The following ZNF454 variants were observed in gnomAD, a reference collection of about 807,000 sequenced individuals.
The protein encoded by ZNF454 is zinc finger protein 454.
In ZNF454, 30 loss-of-function variants were observed where a neutral mutation model predicts 48.2. That is an observed-to-expected ratio of 0.62 (90% confidence interval 0.47 to 0.84). ZNF454 has a LOEUF of 0.84. Ranked by LOEUF, ZNF454 falls within the 40% of genes least tolerant of loss-of-function variation. ZNF454 has a pLI of 0.00. For missense variants in ZNF454, 510 were observed against 623.1 expected (o/e 0.82, Z 1.93); for synonymous variants, 204 against 211.4 (o/e 0.97, Z 0.30).
chr5:178,985,627 C>CA, the ZNF454 span: 8 of 368,204 alleles, frequency 2.2e-5, no homozygotes, highest in Admixed American at 1.4e-4. Context: ...GGCGTGAACC[C>CA]GGAAGGCAGA....
chr5:178,975,920 A>G, the ZNF454 span, among the ~76,000 whole-genome samples: 2 of 152,180 alleles, frequency 1.3e-5, no homozygotes, highest in East Asian at 3.9e-4. Flanking sequence ...CTATATCTTT[A>G]TCTAATCTAT....
chr5:178,952,541 A>G (rs1213805201), intron 4 of ZNF454, among the ~76,000 whole-genome samples: 1 of 152,158 alleles, frequency 6.6e-6, no homozygotes, highest in African/African-American at 2.4e-5. Context: ...CTTTATGAAC[A>G]GAAGTTCTTA....
At chr5:178,989,211 A>ACCCCCCCCCCCCC in the ZNF454 span, 1 of 121,736 alleles carries the variant, frequency 8.2e-6, no homozygotes, top group Non-Finnish European at 1.3e-5. Context: ...CCCCCTCCCC[A>ACCCCCCCCCCCCC]CCCTCACCAC....
the ZNF454 span, chr5:178,989,701 CT>C: frequency 4.8e-5 from 24 of 504,606 alleles, no homozygotes; most frequent in Admixed American, 1.9e-4. Context: ...AACTCAGAGC[CT>C]CACCATTTGA....
At chr5:178,968,300 T>C (rs1760196519), downstream of ZNF454, among the ~76,000 whole-genome samples, 1 of 152,140 alleles carries the variant, frequency 6.6e-6, no homozygotes, top group Non-Finnish European at 1.5e-5. Context: ...GTCCGTCAAG[T>C]TGAGCAACCC....
At chr5:178,942,907 T>C in intron 2 of ZNF454, 83 bp downstream of exon 2, 2 of 1,506,598 alleles carry the variant, frequency 1.3e-6, no homozygotes. Context: ...GGGAGCTTTA[T>C]TCCCAATCCA....
intron 4 of ZNF454, among the ~76,000 whole-genome samples, 192 bp from the exon 5 acceptor site, chr5:178,964,463 T>C: frequency 6.6e-6 from 1 of 152,168 alleles, no homozygotes; most frequent in African/African-American, 2.4e-5. Flanking sequence ...TCCTGCCTCA[T>C]ACATTATACA....
the ZNF454 span, among the ~76,000 whole-genome samples, chr5:178,972,807 T>G: frequency 6.6e-6 from 1 of 151,798 alleles, no homozygotes; most frequent in Non-Finnish European, 1.5e-5. Context: ...GCAGGCGGAG[T>G]GCTGACCCCG....
intron 4 of ZNF454, among the ~76,000 whole-genome samples, chr5:178,947,754 T>A (rs1374067300): frequency 6.6e-6 from 1 of 152,156 alleles, no homozygotes; most frequent in Admixed American, 6.6e-5. Context: ...CGTCTCCCTG[T>A]CAGCTAGCAT....
At chr5:178,983,372 C>A in the ZNF454 span, 2 of 756,120 alleles carry the variant, frequency 2.6e-6, no homozygotes, top group Non-Finnish European at 4.6e-6. Context: ...CAGGAGCACT[C>A]AGTGGAGAAG....
At chr5:178,957,526 C>T (rs1404206934) in intron 4 of ZNF454, among the ~76,000 whole-genome samples, 1 of 152,096 alleles carries the variant, frequency 6.6e-6, no homozygotes, top group African/African-American at 2.4e-5. Context: ...TCTCCTGCCT[C>T]AGCCTCCCGA....
rs776670804 is a variant in ZNF454, at chr5:178,965,395, A to C, written c.991A>C (p.Asn331His). ...CAGTGGAGAGAAACCCTATAAATGC[A>C]ATGAATGTGGAAAAGCCTTTAATCA... is the stretch of plus-strand genomic sequence containing the variant. ...IHSGEKPYKCNECGKAFNQST... is the reference protein window; with the variant it reads ...IHSGEKPYKCHECGKAFNQST... Residue 331 changes from asparagine to histidine, a missense_variant, in exon 5 of 5, where the codon AAT (asparagine) becomes CAT (histidine). By Grantham distance (68) the Asn-to-His change is moderately conservative. Coordinates refer to ENST00000519564, the MANE Select transcript of ZNF454 (RefSeq NM_001178089.3). The surrounding 1 kb of genome is among the most constrained non-coding windows in gnomAD (Gnocchi z 5.2). 2.5e-6 allele frequency: 4 copies of C among 1,614,204 alleles called. No homozygotes were observed. The highest frequency in any genetic ancestry group is 1.1e-5 in the South Asian group (1 of 91,086).
chr5:178,952,261 T>A (rs1249457286), intron 4 of ZNF454, among the ~76,000 whole-genome samples: 3 of 152,130 alleles, frequency 2.0e-5, no homozygotes, highest in Non-Finnish European at 4.4e-5. Flanking sequence ...ATGGTCTCGA[T>A]CTCCTGACCT....
rs975095720 is a variant in ZNF454, at chr5:178,944,082, T to G, written c.33+1258T>G. On this transcript the variant is annotated intron_variant, in intron 2 of 4. Transcript: ENST00000519564. This position sits in a 1 kb window ranked among gnomAD's most constrained non-coding sequence, Gnocchi z 4.1. ...GTGCTTTGAAGGAGACAGCATTCAT[T>G]TGGGCATATACATTCTGATACATTT... 3.3e-5 allele frequency among the ~76,000 whole-genome samples: 5 copies of G among 152,162 alleles called. No homozygotes were observed. Among genetic ancestry groups the G allele is most frequent in the African/African-American group, 1.2e-4 (5 of 41,430 alleles).
rs188558963 is a variant in ZNF454 at position 178,964,832 on chromosome 5, C to G, written c.428C>G (p.Thr143Ser). Reference sequence around the variant, plus strand: ...ATCAGTTTGCAGCGAGTGGTACTCACTCACCCCAACACCCCATCACAGGAA... The same window carrying G: ...ATCAGTTTGCAGCGAGTGGTACTCAGTCACCCCAACACCCCATCACAGGAA... ...QEISLQRVVL[T>S]HPNTPSQECD... is the part of the protein sequence containing the mutation. Residue 143 changes from threonine (T) to serine (S), a missense_variant, in exon 5 of 5, where the codon ACT (threonine) becomes AGT (serine). By Grantham distance (58) the Thr-to-Ser change is moderately conservative. Around this residue, in one of 3 missense-constraint regions of ZNF454, gnomAD observed 354 missense variants for 408.9 expected, o/e 0.87. Transcript: ENST00000519564. The G allele has an allele frequency of 6.2e-7, 1 of 1,614,168 alleles. No homozygotes were observed. Among genetic ancestry groups the G allele is most frequent in the Admixed American group, 1.7e-5 (1 of 60,022 alleles).
the ZNF454 span, chr5:178,981,565 G>C: frequency 1.0e-6 from 1 of 998,494 alleles, no homozygotes; most frequent in Non-Finnish European, 1.5e-6. The surrounding 1 kb of genome is among the most constrained non-coding windows in gnomAD (Gnocchi z 5.1). Context: ...GCCACTGACT[G>C]TTCACCGTGG....
chr5:178,959,223 T>C lies in ZNF454; in HGVS notation c.251-5432T>C, dbSNP rs143028698. On this transcript the variant is annotated intron_variant, in intron 4 of 4. Transcript: ENST00000519564. ...ACCCAGGATCACTTGCTAGAAAGACTGCCTTTTCCCCCATTGTACTGCACT... is the reference window on the plus strand; with the variant it reads ...ACCCAGGATCACTTGCTAGAAAGACCGCCTTTTCCCCCATTGTACTGCACT... Among the ~76,000 whole-genome samples the C allele has an allele frequency of 5.5e-3, 832 of 152,326 alleles. 5 individuals are homozygous for C. Among genetic ancestry groups the C allele is most frequent in the African/African-American group, 0.017 (712 of 41,578 alleles).
intron 2 of ZNF454, among the ~76,000 whole-genome samples, chr5:178,943,300 A>T (rs1759184180): frequency 6.6e-6 from 1 of 152,104 alleles, no homozygotes; most frequent in Admixed American, 6.6e-5. Flanking sequence ...GTGAAGGGGG[A>T]GCAGGTGTAT....
chr5:178,965,899 A>G lies in ZNF454; in HGVS notation c.1495A>G (p.Asn499Asp). Residue 499 changes from asparagine to aspartate, a missense_variant, in exon 5 of 5, where the codon AAT becomes GAT. This residue lies in a region of ZNF454 where 153 missense variants were observed against 195.8 expected (regional missense o/e 0.78). Coordinates refer to ENST00000519564, the MANE Select transcript of ZNF454 (RefSeq NM_001178089.3). The surrounding 1 kb of genome is among the most constrained non-coding windows in gnomAD (Gnocchi z 5.2). ...IHTGEKPYKC[N>D]KCGKAFNQTA... ...CACAGGAGAGAAACCCTATAAATGT[A>G]ATAAATGTGGGAAAGCTTTTAACCA... The G allele has an allele frequency of 6.2e-7, 1 of 1,610,770 alleles. No individual in the cohort carries two copies. The highest frequency in any genetic ancestry group is 1.3e-5 in the African/African-American group (1 of 74,776).
Sources: allele counts gnomAD v4.1 joint callset (sites outside exome capture counted in the v4.1 genomes callset), GRCh38; gene constraint gnomAD v4.1.1; regional missense constraint gnomAD v4.1.1; non-coding constraint Gnocchi (gnomAD v3.1); transcripts MANE v1.5; gene names NCBI Gene and HGNC (gene_info 2026-07-23, HGNC 2026-07-21).